Variants in FHIP2B observed in about 807,000 individuals in gnomAD.
FHIP2B encodes FHF complex subunit HOOK-interacting protein 2B.
In FHIP2B, 72 loss-of-function variants were observed where a neutral mutation model predicts 84.0. That is an observed-to-expected ratio of 0.86 (90% CI 0.71 to 1.04). The LOEUF is 1.04. FHIP2B is among the 50% of genes least tolerant of loss of function. The pLI, the probability that FHIP2B is intolerant of heterozygous loss-of-function variation, is 0.00. For synonymous variants in FHIP2B, 497 were observed against 418.7 expected (o/e 1.19, Z -2.28); for missense variants, 972 against 968.9 (o/e 1.00, Z -0.04).
Position 22,102,264 on chromosome 8 carries a change from G to A in FHIP2B, c.1941G>A (p.Pro647=), listed in dbSNP as rs765644235. ...HPHIHEYLLD[P]YISLAPGCRS... ...ATATTCATGAGTACCTGCTGGATCC[G>A]TACATCAGCCTGGCCCCCGGCTGCA... Residue 647 remains proline, a synonymous_variant, in exon 15 of 17, where the codon CCG becomes CCA. Transcript: ENST00000289921. 48 of 1,612,960 alleles carry A rather than the reference G, an allele frequency of 3.0e-5. 1 individual carries two copies. Among genetic ancestry groups the A allele is most frequent in the Admixed American group, 3.3e-5 (2 of 60,002 alleles).
intron 2 of FHIP2B, chr8:22,095,532 G>T (rs1446820413): frequency 6.6e-6 from 1 of 152,254 alleles, no homozygotes; most frequent in African/African-American, 2.4e-5. Flanking sequence ...TTGAAGGAGA[G>T]CCTCAGTCCA....
intron 1 of FHIP2B, among the ~76,000 whole-genome samples, chr8:22,090,387 A>G (rs116172034): frequency 0.018 from 2,710 of 152,278 alleles, 98 homozygotes; most frequent in African/African-American, 0.061. Flanking sequence ...AGAAAGTCAG[A>G]AACTATGACT....
At chr8:22,089,730 G>A in intron 1 of FHIP2B, 1 of 1,239,092 alleles carries the variant, frequency 8.1e-7, no homozygotes, top group Non-Finnish European at 1.1e-6. Flanking sequence ...TGAAAAAATC[G>A]CCGTCCCTTC....
At chr8:22,089,729 C>T (rs1825370829) in intron 1 of FHIP2B, 2 of 1,239,050 alleles carry the variant, frequency 1.6e-6, no homozygotes, top group Non-Finnish European at 1.1e-6. Flanking sequence ...TTGAAAAAAT[C>T]GCCGTCCCTT....
rs1374484478 is a variant in FHIP2B at position 22,094,439 on chromosome 8, G to A, written c.46-1G>A. The A allele has an allele frequency of 6.2e-7, 1 of 1,604,682 alleles. No homozygotes were observed. The highest frequency in any genetic ancestry group is 8.5e-7 in the Non-Finnish European group (1 of 1,176,318). On this transcript the variant is annotated splice_acceptor_variant, in intron 1 of 16. Transcript: ENST00000289921. LOFTEE classifies it high-confidence loss of function. Reference sequence around the variant, plus strand: ...TGAGGTTGTGTGTCTGCCCTCCGCAGCGCGAGCCCAGCATTGACCTGCTGC... The same window carrying A: ...TGAGGTTGTGTGTCTGCCCTCCGCAACGCGAGCCCAGCATTGACCTGCTGC...
chr8:22,098,641 GCC>G, intron 7 of FHIP2B, 22 bp downstream of exon 7: 2 of 1,520,792 alleles, frequency 1.3e-6, no homozygotes, highest in Non-Finnish European at 1.8e-6. Flanking sequence ...GCCCGGGAAG[GCC>G]GGCCAGCATC....
chr8:22,090,839 G>A (rs1226393272), intron 1 of FHIP2B, among the ~76,000 whole-genome samples: 1 of 152,052 alleles, frequency 6.6e-6, no homozygotes, highest in Non-Finnish European at 1.5e-5. Flanking sequence ...TGCCCAGGCT[G>A]GTCTTGAGCT....
intron 15 of FHIP2B, 96 bp downstream of exon 15, chr8:22,102,411 G>GGGGGGGGGGGGGGC: frequency 8.5e-6 from 5 of 586,936 alleles, no homozygotes; most frequent in Non-Finnish European, 1.5e-5. Flanking sequence ...GGAGGGGTGG[G>GGGGGGGGGGGGGGC]CACCCTTGCC....
rs546879356 is a variant in FHIP2B at position 22,093,874 on chromosome 8, C to G, written c.46-566C>G. On this transcript the variant is annotated intron_variant, in intron 1 of 16. Transcript: ENST00000289921. ...CTGGGACTATAGGCAGACACCACCA[C>G]GTCCTGCTAGTTTTTAAATTGTTTA... 9.2e-5 allele frequency among the ~76,000 whole-genome samples: 14 copies of G among 152,036 alleles called. No homozygotes were observed. In the South Asian group the frequency reaches 2.9e-3, roughly 32 times the overall value.
chr8:22,094,811 C>G, intron 2 of FHIP2B: 1 of 1,228,494 alleles, frequency 8.1e-7, no homozygotes, highest in African/African-American at 1.6e-5. Flanking sequence ...GAAGAGGTGG[C>G]TGCACTTCCC....
Position 22,097,602 on chromosome 8 carries a change from C to A in FHIP2B, c.384C>A (p.Ser128Arg). The A allele has an allele frequency of 6.2e-7, 1 of 1,608,010 alleles. No individual in the cohort carries two copies. The highest frequency in any genetic ancestry group is 8.5e-7 in the Non-Finnish European group (1 of 1,177,562). ...QVQHPLLHYL[S>R]VHRPVQKLLR... is the part of the protein sequence containing the mutation. ...AGCACCCCCTGCTGCATTACCTCAG[C>A]GTCCACAGGCCTGTGCAGGTGAGGG... Residue 128 changes from serine (S) to arginine (R), a missense_variant, in exon 4 of 17, where the codon AGC becomes AGA. Ser to Arg is a moderately radical substitution (Grantham distance 110). Coordinates refer to ENST00000289921, the MANE Select transcript of FHIP2B (RefSeq NM_022749.7).
rs1826145785 is a variant in FHIP2B, at chr8:22,101,996, C to A, written c.1851+145C>A. 11 of 1,504,246 alleles carry A rather than the reference C, an allele frequency of 7.3e-6. No homozygotes were observed. In the South Asian group the frequency reaches 1.2e-4, roughly 16 times the overall value. 93.2% of individuals were successfully genotyped at this position (1,504,246 alleles called of 1,614,324 possible). A position where few individuals can be genotyped will look rare whatever the true frequency, so the allele number is the denominator to read the frequency against. ...CCCAGGTGGGAAGCCCCGTCTCACC[C>A]CTGCTCCACACGTCCTAACACGTTC... On this transcript the variant is annotated intron_variant, in intron 14 of 16. Coordinates refer to ENST00000289921, the MANE Select transcript of FHIP2B (RefSeq NM_022749.7).
chr8:22,091,559 G>T (rs4872276), intron 1 of FHIP2B, among the ~76,000 whole-genome samples: 61,572 of 152,016 alleles, frequency 0.41, 13,505 homozygotes, highest in East Asian at 0.62. Flanking sequence ...TAATAATATC[G>T]TTAAAGAGAA....
At chr8:22,091,463 C>G (rs189055625) in intron 1 of FHIP2B, among the ~76,000 whole-genome samples, 4 of 152,244 alleles carry the variant, frequency 2.6e-5, no homozygotes, top group African/African-American at 9.6e-5. Context: ...AGGCTGGTCT[C>G]GAACTCCTGA....
chr8:22,093,951 G>A (rs1009584880), intron 1 of FHIP2B, among the ~76,000 whole-genome samples: 5 of 151,958 alleles, frequency 3.3e-5, no homozygotes, highest in African/African-American at 1.2e-4. Context: ...TCCTGGACTC[G>A]AGCCGTCTGC....
Position 22,096,509 on chromosome 8 carries a change from G to A in FHIP2B, c.297G>A (p.Glu99=). 1 of 1,529,542 alleles carries A rather than the reference G, an allele frequency of 6.5e-7. No homozygotes were observed. Among genetic ancestry groups the A allele is most frequent in the South Asian group, 1.2e-5 (1 of 81,316 alleles). 94.7% of individuals were successfully genotyped at this position (1,529,542 alleles called of 1,614,324 possible). A position where few individuals can be genotyped will look rare whatever the true frequency, so the allele number is the denominator to read the frequency against. The change falls in exon 3 of 17, where the codon GAG becomes GAA. Residue 99 remains glutamate, a splice_region_variant and synonymous_variant. Coordinates refer to ENST00000289921, the MANE Select transcript of FHIP2B (RefSeq NM_022749.7). The part of the protein sequence containing the change: ...LETLCTLGKA[E]YPPGMRQQVF... ...CTCTCTGCACGCTGGGCAAGGCCGA[G>A]GTGGGAGGCCCTCTGCGCGCTGGGC...
Position 22,102,228 on chromosome 8 carries a change from C to T in FHIP2B, c.1905C>T (p.Phe635=), listed in dbSNP as rs1268406726. ...CGGTCCTGTCCCGGCTTGCCCTCTTCCCCCACCCCCATATTCATGAGTACC... is the reference window on the plus strand; with the variant it reads ...CGGTCCTGTCCCGGCTTGCCCTCTTTCCCCACCCCCATATTCATGAGTACC... ...VTSVLSRLAL[F]PHPHIHEYLL... The change falls in exon 15 of 17, where the codon TTC becomes TTT. Residue 635 remains phenylalanine (F), a synonymous_variant. Coordinates refer to ENST00000289921, the MANE Select transcript of FHIP2B (RefSeq NM_022749.7). 2.5e-6 allele frequency: 4 copies of T among 1,613,400 alleles called. No homozygotes were observed. The highest frequency in any genetic ancestry group is 1.1e-5 in the South Asian group (1 of 91,088).
At chr8:22,099,657 T>C in intron 9 of FHIP2B, 47 bp from the exon 10 acceptor site, 1 of 1,522,700 alleles carries the variant, frequency 6.6e-7, no homozygotes. Context: ...CGCACTCATG[T>C]GCTGTCTGCA....
chr8:22,102,565 C>T lies in FHIP2B; in HGVS notation c.2030C>T (p.Pro677Leu), dbSNP rs1318132640. The change falls in exon 16 of 17, where the codon CCC (proline) becomes CTC (leucine). Residue 677 changes from proline to leucine, a missense_variant. Pro to Leu is a moderately conservative substitution (Grantham distance 98). Transcript: ENST00000289921. The part of the protein sequence containing the change: ...GDLMQRIQRV[P>L]QFPGKLLLVR... ...TTGATGCAGAGAATCCAGAGGGTAC[C>T]CCAGTTCCCAGGCAAGCTGCTCCTG... is the stretch of plus-strand genomic sequence containing the variant. 2 of 1,562,752 alleles carry T rather than the reference C, an allele frequency of 1.3e-6. No homozygotes were observed. Among genetic ancestry groups the T allele is most frequent in the East Asian group, 2.4e-5 (1 of 41,796 alleles).
Sources: allele counts gnomAD v4.1 joint callset (sites outside exome capture counted in the v4.1 genomes callset), GRCh38; gene constraint gnomAD v4.1.1; transcripts MANE v1.5; gene names NCBI Gene and HGNC (gene_info 2026-07-23, HGNC 2026-07-21).